The following GRIA3 variants were observed in gnomAD, a reference collection of about 807,000 sequenced individuals.
GRIA3 encodes glutamate ionotropic receptor AMPA type subunit 3.
A neutral mutation model predicts 63.0 loss-of-function variants in GRIA3; 3 were observed. That is an observed-to-expected ratio of 0.05 (90% CI 0.02 to 0.12). GRIA3 has a LOEUF of 0.12. Ranked by LOEUF, GRIA3 falls within the 10% of genes least tolerant of loss-of-function variation. GRIA3 has a pLI of 1.00. For missense variants in GRIA3, 347 were observed against 700.9 expected (o/e 0.50, Z 5.70); for synonymous variants, 274 against 257.9 (o/e 1.06, Z -0.60).
chrX:123,345,787 C>T (rs1307982781), intron 4 of GRIA3, among the ~76,000 whole-genome samples: 1 of 110,596 alleles, frequency 9.0e-6, no homozygotes, highest in East Asian at 2.9e-4. Flanking sequence ...CCCACAGCAG[C>T]AGGAAACCTC....
chrX:123,421,009 C>T (rs2045561701), intron 11 of GRIA3, among the ~76,000 whole-genome samples: 1 of 110,885 alleles, frequency 9.0e-6, no homozygotes, highest in Admixed American at 9.6e-5. Context: ...CATACTTTAC[C>T]CTTACAATGT....
At chrX:123,264,228 G>A (rs1177270850) in intron 3 of GRIA3, among the ~76,000 whole-genome samples, 2 of 112,121 alleles carry the variant, frequency 1.8e-5, no homozygotes, top group Non-Finnish European at 3.8e-5. Flanking sequence ...CAGAAATAGA[G>A]GAAACTTCTC....
At chrX:123,478,745 T>G (rs1205102577) in intron 13 of GRIA3, among the ~76,000 whole-genome samples, 1 of 112,318 alleles carries the variant, frequency 8.9e-6, no homozygotes, top group Non-Finnish European at 1.9e-5. Flanking sequence ...TTTTACAGCA[T>G]GTTCACAGTT....
chrX:123,402,130 C>G (rs2045446404), intron 7 of GRIA3, among the ~76,000 whole-genome samples: 1 of 110,767 alleles, frequency 9.0e-6, no homozygotes, highest in Non-Finnish European at 1.9e-5. Context: ...ATACTCCTGA[C>G]CCCTTAGGCT....
chrX:123,417,403 G>A lies in GRIA3; in HGVS notation c.1502G>A (p.Arg501Lys). The change falls in exon 11 of 16, where the codon AGA becomes AAA. Residue 501 changes from arginine to lysine, a missense_variant and splice_region_variant. By Grantham distance (26) the Arg-to-Lys change is conservative. Coordinates refer to ENST00000620443, the MANE Select transcript of GRIA3 (RefSeq NM_007325.5). ...NGMVGELVYG[R>K]ADIAVAPLTI... ...TTTCTTTTTTTTCTTTTTTTTCAGA[G>A]AGCTGATATAGCTGTTGCTCCACTC... 1 of 1,197,083 alleles carries A rather than the reference G, an allele frequency of 8.4e-7. No homozygotes were observed. Among genetic ancestry groups the A allele is most frequent in the Non-Finnish European group, 1.1e-6 (1 of 883,819 alleles).
At chrX:123,385,446 C>T (rs1194341349) in intron 5 of GRIA3, among the ~76,000 whole-genome samples, 1 of 111,910 alleles carries the variant, frequency 8.9e-6, no homozygotes, top group African/African-American at 3.2e-5. Context: ...GTTCTTTTTG[C>T]TTAGGATTGC....
chrX:123,428,829 T>C (rs2045603281), intron 12 of GRIA3, among the ~76,000 whole-genome samples: 1 of 111,709 alleles, frequency 9.0e-6, no homozygotes, highest in Admixed American at 9.5e-5. Context: ...TGAAAGGAGA[T>C]TGAAGCAGGA....
intron 9 of GRIA3, among the ~76,000 whole-genome samples, chrX:123,403,959 T>TATA (rs1301188041): frequency 9.0e-6 from 1 of 111,323 alleles, no homozygotes; most frequent in African/African-American, 3.3e-5. Flanking sequence ...ATGAAAGGGG[T>TATA]ATAATAATAA....
chrX:123,422,565 T>C (rs973975459), intron 11 of GRIA3, among the ~76,000 whole-genome samples: 4 of 111,834 alleles, frequency 3.6e-5, no homozygotes, highest in African/African-American at 1.3e-4. Flanking sequence ...GCATAGTGGT[T>C]AAGCACGTGG....
intron 13 of GRIA3, among the ~76,000 whole-genome samples, chrX:123,465,318 G>A (rs1033287598): frequency 9.0e-6 from 1 of 110,855 alleles, no homozygotes; most frequent in African/African-American, 3.3e-5. Flanking sequence ...TCTCTGTGTT[G>A]TCCTCTCTGA....
At chrX:123,380,105 T>C (rs781325689) in intron 5 of GRIA3, among the ~76,000 whole-genome samples, 27 of 111,407 alleles carry the variant, frequency 2.4e-4, no homozygotes, top group African/African-American at 8.5e-4. Context: ...AATAAACATA[T>C]GTGTGCATGT....
chrX:123,389,684 T>C (rs2045373509), intron 5 of GRIA3, among the ~76,000 whole-genome samples: 1 of 69,752 alleles, frequency 1.4e-5, no homozygotes, highest in Non-Finnish European at 2.9e-5. Flanking sequence ...ATTTTTCTTT[T>C]GTTTTTGTTG....
chrX:123,227,933 T>A (rs1316373531), intron 2 of GRIA3, among the ~76,000 whole-genome samples: 1 of 112,065 alleles, frequency 8.9e-6, no homozygotes, highest in Non-Finnish European at 1.9e-5. Context: ...GGTAAAGACC[T>A]AGGGTGTGAG....
At chrX:123,345,102 A>G (rs748753680) in intron 4 of GRIA3, among the ~76,000 whole-genome samples, 1 of 111,060 alleles carries the variant, frequency 9.0e-6, no homozygotes, top group South Asian at 3.8e-4. Flanking sequence ...GGGAATGTAG[A>G]TTATGTTCCT....
chrX:123,463,704 G>GAA (rs1569440926), intron 12 of GRIA3, among the ~76,000 whole-genome samples: 1 of 11,718 alleles, frequency 8.5e-5, no homozygotes, highest in Non-Finnish European at 1.6e-4. Context: ...GAAAGAAAAA[G>GAA]AAAGAAAGAA....
In GRIA3 at chrX:123,483,046, G is replaced by GGTAC; in HGVS notation, c.*2+2_*2+5dup. 1.7e-6 allele frequency: 2 copies of GGTAC among 1,196,823 alleles called. No homozygotes were observed. The highest frequency in any genetic ancestry group is 2.3e-6 in the Non-Finnish European group (2 of 882,181). On this transcript the variant is annotated splice_region_variant and 3_prime_UTR_variant. Coordinates refer to ENST00000620443, the MANE Select transcript of GRIA3 (RefSeq NM_007325.5). ...GGAACAGAGAGTGTTAAGATCTAGG[G>GGTAC]GTACGGTTAAGGTCTAGTAAACTAA...
At chrX:123,457,305 A>G in intron 12 of GRIA3, among the ~76,000 whole-genome samples, 1 of 111,511 alleles carries the variant, frequency 9.0e-6, no homozygotes, top group Non-Finnish European at 1.9e-5. Context: ...TATGAGGACC[A>G]TGACTGCTGA....
intron 5 of GRIA3, among the ~76,000 whole-genome samples, chrX:123,393,423 T>C (rs2045397088): frequency 8.9e-6 from 1 of 112,346 alleles, no homozygotes; most frequent in African/African-American, 3.2e-5. Flanking sequence ...TTTTAGACTG[T>C]TAAAAAAGAG....
At chrX:123,319,309 A>G (rs2147328343) in intron 3 of GRIA3, among the ~76,000 whole-genome samples, 1 of 112,226 alleles carries the variant, frequency 8.9e-6, no homozygotes, top group East Asian at 2.8e-4. Context: ...GGTTTGTGGA[A>G]TACACTCTAT....
Sources: allele counts gnomAD v4.1 joint callset (sites outside exome capture counted in the v4.1 genomes callset), GRCh38; gene constraint gnomAD v4.1.1; transcripts MANE v1.5; gene names NCBI Gene and HGNC (gene_info 2026-07-23, HGNC 2026-07-21).